Variants in SRP54 observed in about 807,000 individuals in gnomAD.
SRP54 encodes signal recognition particle 54, also known as signal recognition particle subunit SRP54.
Under a neutral mutation model 64.8 loss-of-function variants are expected in SRP54, and 10 were observed. The observed-to-expected ratio is 0.15, with a 90% CI of 0.10 to 0.26. SRP54 has a LOEUF of 0.26. SRP54 is among the 10% of genes least tolerant of loss of function. SRP54 has a pLI of 1.00. For synonymous variants in SRP54, 193 were observed against 185.6 expected, an observed-to-expected ratio of 1.04 and a Z score of -0.32; for missense variants, 325 against 613.7, an observed-to-expected ratio of 0.53 and a Z score of 4.97.
chr14:34,985,601 G>T (rs2043882923), intron 1 of SRP54, among the ~76,000 whole-genome samples: 1 of 152,058 alleles, frequency 6.6e-6, no homozygotes, highest in Non-Finnish European at 1.5e-5. Flanking sequence ...TCCCTCCAAT[G>T]TATTTGTTAC....
At chr14:34,987,731 G>T (rs1048084696) in intron 1 of SRP54, among the ~76,000 whole-genome samples, 1 of 152,104 alleles carries the variant, frequency 6.6e-6, no homozygotes, top group Non-Finnish European at 1.5e-5. Context: ...GAATAATGCT[G>T]CTCTGACCAT....
At chr14:35,001,750 A>C (rs1156793686) in intron 4 of SRP54, among the ~76,000 whole-genome samples, 2 of 152,220 alleles carry the variant, frequency 1.3e-5, no homozygotes, top group Non-Finnish European at 2.9e-5. Flanking sequence ...GATTATGAGC[A>C]ATTTTGAATT....
At chr14:34,999,162 G>A (rs2044132067) in intron 2 of SRP54, among the ~76,000 whole-genome samples, 2 of 151,730 alleles carry the variant, frequency 1.3e-5, no homozygotes, top group South Asian at 2.1e-4. Flanking sequence ...TCACAGGCAC[G>A]TGCCACCATG....
intron 1 of SRP54, among the ~76,000 whole-genome samples, chr14:34,994,609 T>C (rs1355393667): frequency 1.3e-5 from 2 of 152,214 alleles, no homozygotes; most frequent in East Asian, 3.8e-4. Flanking sequence ...GGCATAAGTA[T>C]GTCCCAGACT....
chr14:35,028,710 A>G (rs1042416518), intron 15 of SRP54, among the ~76,000 whole-genome samples: 1 of 152,184 alleles, frequency 6.6e-6, no homozygotes, highest in Non-Finnish European at 1.5e-5. Flanking sequence ...ATAATCCCCT[A>G]TTGATTATTT....
At chr14:35,003,376 C>CTATT (rs71435840) in intron 4 of SRP54, among the ~76,000 whole-genome samples, 1 of 150,984 alleles carries the variant, frequency 6.6e-6, no homozygotes, top group African/African-American at 2.4e-5. Flanking sequence ...TCTGGACTCT[C>CTATT]TATTTATTTA....
chr14:34,996,331 T>TA (rs1205329475), intron 1 of SRP54, among the ~76,000 whole-genome samples: 1 of 152,162 alleles, frequency 6.6e-6, no homozygotes, highest in East Asian at 1.9e-4. Flanking sequence ...TCTTTTAATT[T>TA]AAAAATGTGC....
chr14:34,987,946 G>A lies in SRP54; in HGVS notation c.-34+4731G>A, dbSNP rs138765224. ...TTACAAAAGAATTTTCCTAATTTTT[G>A]CTCCCCTCTTTACTCCCCGCCAAAA... On this transcript the variant is annotated intron_variant, in intron 1 of 15. Coordinates refer to ENST00000216774, the MANE Select transcript of SRP54 (RefSeq NM_003136.4). Among the ~76,000 whole-genome samples, 488 of 152,072 alleles carry A rather than the reference G, an allele frequency of 3.2e-3. 4 individuals are homozygous for A. The highest frequency in any genetic ancestry group is 0.011 in the African/African-American group (456 of 41,474).
At chr14:34,988,578 A>AAAAAAAAAAAAAAATAT (rs1384552218) in intron 1 of SRP54, among the ~76,000 whole-genome samples, 2 of 47,102 alleles carry the variant, frequency 4.2e-5, no homozygotes, top group African/African-American at 1.3e-4. Flanking sequence ...AAAAAAAAAA[A>AAAAAAAAAAAAAAATAT]ATATATATAT....
At chr14:35,018,787 A>T (rs1427875053) in intron 12 of SRP54, 22 bp downstream of exon 12, 2 of 1,590,220 alleles carry the variant, frequency 1.3e-6, no homozygotes, top group Non-Finnish European at 1.7e-6. Flanking sequence ...TTAAAACTTT[A>T]TACCTTCTTT....
intron 1 of SRP54, among the ~76,000 whole-genome samples, chr14:34,992,852 T>C (rs561106510): frequency 7.3e-6 from 1 of 137,558 alleles, no homozygotes; most frequent in Admixed American, 7.4e-5. Flanking sequence ...TTAACTAGTA[T>C]GGCTTATTTA....
intron 4 of SRP54, among the ~76,000 whole-genome samples, chr14:35,003,902 C>G (rs2044217594): frequency 6.6e-6 from 1 of 151,012 alleles, no homozygotes; most frequent in Non-Finnish European, 1.5e-5. Flanking sequence ...CCACTGCACT[C>G]CAGCCTGGGT....
In SRP54 at chr14:34,996,687, A is replaced by G. The variant is rs1426533017; in HGVS notation, c.-23A>G. 1 of 1,574,234 alleles carries G rather than the reference A, an allele frequency of 6.4e-7. No homozygotes were observed. The highest frequency in any genetic ancestry group is 1.1e-5 in the South Asian group (1 of 90,178). ...TTTTTTCTGCTGTAGAGTTCTTCGT[A>G]AGTACATCTTAAAGCTGTCAAGATG... On this transcript the variant is annotated 5_prime_UTR_variant, in exon 2 of 16. Transcript: ENST00000216774.
intron 1 of SRP54, among the ~76,000 whole-genome samples, chr14:34,991,109 C>CTTTTTTTTTT (rs71435838): frequency 3.2e-4 from 35 of 111,010 alleles, no homozygotes; most frequent in Middle Eastern, 5.3e-3. Flanking sequence ...AATTTCTTTT[C>CTTTTTTTTTT]TTTTTTTTTT....
At chr14:35,026,148 A>G (rs1432923727) in intron 14 of SRP54, among the ~76,000 whole-genome samples, 2 of 151,604 alleles carry the variant, frequency 1.3e-5, no homozygotes, top group Admixed American at 6.6e-5. Flanking sequence ...TGTTGTCTAA[A>G]GGGTGTTTTT....
chr14:35,003,477 C>T (rs1207260868), intron 4 of SRP54, among the ~76,000 whole-genome samples: 2 of 152,024 alleles, frequency 1.3e-5, no homozygotes, highest in East Asian at 1.9e-4. Flanking sequence ...TGGGCTCGAG[C>T]GATCTTCTCT....
intron 4 of SRP54, chr14:35,004,422 A>G (rs1019823427): frequency 1.3e-5 from 2 of 152,216 alleles, no homozygotes; most frequent in African/African-American, 2.4e-5. Context: ...CAGTGAACCA[A>G]TGTTTTGTGA....
intron 1 of SRP54, among the ~76,000 whole-genome samples, chr14:34,995,746 C>T (rs1216118470): frequency 2.0e-5 from 3 of 152,108 alleles, no homozygotes; most frequent in East Asian, 1.9e-4. Flanking sequence ...ATTTTATTTT[C>T]GGTTCCTCAT....
intron 7 of SRP54, among the ~76,000 whole-genome samples, chr14:35,010,780 A>C (rs1372904918): frequency 2.6e-5 from 4 of 152,112 alleles, no homozygotes; most frequent in Admixed American, 6.6e-5. Context: ...TAAATAAATA[A>C]ATACATAAAA....
Sources: gnomAD v4.1 joint callset for allele counts (sites outside exome capture counted in the v4.1 genomes callset) on GRCh38, gnomAD v4.1.1 for gene constraint, MANE v1.5 for transcripts, NCBI Gene and HGNC (gene_info 2026-07-23, HGNC 2026-07-21) for gene names.